LOC131768270: variants seen among roughly 807,000 people sequenced by gnomAD.
chr5:140,566,744 A>G, the LOC131768270 span: 7 of 593,592 alleles, frequency 1.2e-5, no homozygotes, highest in African/African-American at 1.9e-5. Context: ...TGCAGTTGCT[A>G]CGCAAGGGGC....
chr5:140,567,193 G>A, the LOC131768270 span: 1 of 1,613,534 alleles, frequency 6.2e-7, no homozygotes. Context: ...ATGGGGGTAT[G>A]CCAGGCCTGG....
chr5:140,565,072 C>T, the LOC131768270 span: 6 of 396,988 alleles, frequency 1.5e-5, no homozygotes, highest in African/African-American at 1.2e-4. Flanking sequence ...ATGTCCCCTC[C>T]TGGGAACCAT....
the LOC131768270 span, chr5:140,568,589 ACT>A: frequency 1.4e-5 from 3 of 217,448 alleles, no homozygotes; most frequent in South Asian, 7.4e-5. Context: ...ATGGTGCATG[ACT>A]CTTCCATAAG....
the LOC131768270 span, chr5:140,564,874 G>GGTGATCTGCAGCCGGGC: frequency 2.5e-6 from 1 of 406,334 alleles, no homozygotes; most frequent in Admixed American, 4.3e-5. The surrounding 1 kb of genome is among the most constrained non-coding windows in gnomAD (Gnocchi z 5.0). Flanking sequence ...TGGCCGTGGG[G>GGTGATCTGCAGCCGGGC]GTGATCTGCA....
chr5:140,567,331 G>A, the LOC131768270 span: 1 of 1,614,176 alleles, frequency 6.2e-7, no homozygotes, highest in Non-Finnish European at 8.5e-7. Context: ...CCTCAGCCGT[G>A]CTGCTGACTG....
At chr5:140,567,319 C>T in the LOC131768270 span, 1 of 1,614,142 alleles carries the variant, frequency 6.2e-7, no homozygotes, top group Non-Finnish European at 8.5e-7. Context: ...CCTTCCGGCC[C>T]TCCTCAGCCG....
the LOC131768270 span, chr5:140,567,779 G>C: frequency 6.2e-7 from 1 of 1,614,104 alleles, no homozygotes; most frequent in Non-Finnish European, 8.5e-7. Context: ...CTTGTCGTCA[G>C]TGTACACAGA....
the LOC131768270 span, chr5:140,567,547 A>T: frequency 1.2e-6 from 2 of 1,614,212 alleles, no homozygotes; most frequent in African/African-American, 2.7e-5. Flanking sequence ...TTGGAAGCAC[A>T]GCTGTGCTCT....
At chr5:140,568,545 C>G in the LOC131768270 span, 1 of 268,978 alleles carries the variant, frequency 3.7e-6, no homozygotes, top group East Asian at 1.2e-4. Context: ...AGTCACCCAG[C>G]AGAGCCACTG....
chr5:140,566,680 A>C, the LOC131768270 span: 2 of 523,448 alleles, frequency 3.8e-6, no homozygotes, highest in African/African-American at 3.8e-5. Context: ...ACTGGCATCT[A>C]TGCGGCTCAG....
chr5:140,567,201 TGGGCCGTCCCAGGCAGGCCC>T, the LOC131768270 span: 1 of 1,614,150 alleles, frequency 6.2e-7, no homozygotes, highest in Non-Finnish European at 8.5e-7. Context: ...ATGCCAGGCC[TGGGCCGTCCCAGGCAGGCCC>T]GCTGGACCCT....
the LOC131768270 span, chr5:140,567,637 T>C: frequency 1.2e-6 from 2 of 1,614,188 alleles, no homozygotes; most frequent in Non-Finnish European, 1.7e-6. Context: ...GAGCCTGCTA[T>C]GCAGCAGGGG....
the LOC131768270 span, chr5:140,567,181 G>T: frequency 6.2e-7 from 1 of 1,613,152 alleles, no homozygotes; most frequent in South Asian, 1.1e-5. Flanking sequence ...TGAGTGTAGA[G>T]GATGGGGGTA....
At chr5:140,567,406 G>T in the LOC131768270 span, 1 of 1,614,130 alleles carries the variant, frequency 6.2e-7, no homozygotes, top group Non-Finnish European at 8.5e-7. Flanking sequence ...GGCCCCAGGG[G>T]CCCCCACCCT....
At chr5:140,566,588 G>A in the LOC131768270 span, 8 of 431,608 alleles carry the variant, frequency 1.9e-5, 1 homozygote, top group South Asian at 8.0e-5. Context: ...TGTCCTCCCC[G>A]TTCCTCAAGG....
At chr5:140,567,440 C>T in the LOC131768270 span, 99 of 1,614,030 alleles carry the variant, frequency 6.1e-5, 1 homozygote, top group Middle Eastern at 9.9e-4. Context: ...TCCCTTCGCA[C>T]TATCAGCCCT....
the LOC131768270 span, chr5:140,567,703 C>T: frequency 1.2e-6 from 2 of 1,614,084 alleles, no homozygotes; most frequent in African/African-American, 1.3e-5. Flanking sequence ...CTGCTGCCAG[C>T]CCCATGCCCC....
chr5:140,568,170 C>T, the LOC131768270 span: 21 of 1,613,428 alleles, frequency 1.3e-5, no homozygotes, highest in Admixed American at 5.0e-5. Context: ...ACCCTGATTC[C>T]GGACCCTGTA....
chr5:140,566,587 C>T, the LOC131768270 span: 5 of 433,488 alleles, frequency 1.2e-5, no homozygotes, highest in Non-Finnish European at 2.0e-5. Context: ...TTGTCCTCCC[C>T]GTTCCTCAAG....
Sources: allele counts gnomAD v4.1 joint callset, GRCh38; gene constraint gnomAD v4.1.1; non-coding constraint Gnocchi (gnomAD v3.1); transcripts MANE v1.5.